The following CENPO variants were observed in gnomAD, a reference collection of about 807,000 sequenced individuals.
The protein encoded by CENPO is centromeric protein O.
CENPO carries 30 observed loss-of-function variants against 36.1 expected under a neutral mutation model. The ratio of observed to expected loss-of-function variants is 0.83; its 90% CI spans 0.62 to 1.13. The LOEUF is 1.13. Ranked by LOEUF, CENPO falls within the 50% of genes most tolerant of loss-of-function variation. CENPO has a pLI of 0.00. For missense variants in CENPO, 349 were observed against 357.8 expected, an observed-to-expected ratio of 0.98 and a Z score of 0.20; for synonymous variants, 171 against 142.3, an observed-to-expected ratio of 1.20 and a Z score of -1.44.
At chr2:24,801,948 C>A (rs1457683183) in intron 3 of CENPO, among the ~76,000 whole-genome samples, 1 of 152,170 alleles carries the variant, frequency 6.6e-6, no homozygotes, top group Non-Finnish European at 1.5e-5. Context: ...ATTGATTCTT[C>A]CTATCCATGA....
At chr2:24,813,605 G>A (rs1372678363) in intron 3 of CENPO, among the ~76,000 whole-genome samples, 2 of 152,162 alleles carry the variant, frequency 1.3e-5, no homozygotes, top group African/African-American at 4.8e-5. Flanking sequence ...AGCAAATGCC[G>A]GGAGGGAAGA....
At position 24,820,378 on chromosome 2, in the gene CENPO, T is replaced by C; in HGVS notation, c.*1060T>C. On this transcript the variant is annotated 3_prime_UTR_variant, in exon 8 of 8. Transcript: ENST00000380834. The stretch of plus-strand genomic sequence containing the variant: ...GCCATGGTCACCTGGGTGGCAGCAC[T>C]GTTACCTGGAAACTGCCACTGCCTG... 1 of 1,320,012 alleles carries C rather than the reference T, an allele frequency of 7.6e-7. No homozygotes were observed. Among genetic ancestry groups the C allele is most frequent in the South Asian group, 2.2e-5 (1 of 44,568 alleles). 81.8% of individuals were successfully genotyped at this position (1,320,012 alleles called of 1,614,324 possible).
At chr2:24,807,357 T>C (rs757543178) in intron 3 of CENPO, among the ~76,000 whole-genome samples, 3 of 152,228 alleles carry the variant, frequency 2.0e-5, no homozygotes, top group South Asian at 2.1e-4. Context: ...TTGAACTTTA[T>C]ATAAATGTTA....
In CENPO at chr2:24,793,745, TTG is replaced by T; in HGVS notation, c.-68-103_-68-102del. ...GGAAAGGGGATCCTAGCCGTGACAT[TTG>T]TGTCATCCGCGGCCCAGGGGTTGTG... On this transcript the variant is annotated intron_variant, in intron 1 of 7. Transcript: ENST00000380834. The T allele has an allele frequency of 3.0e-6, 3 of 1,006,380 alleles. No individual in the cohort carries two copies. The South Asian group carries it at 4.3e-5, about 14-fold the overall frequency. The allele number at this position is 1,006,380 out of a possible 1,614,324, so 62.3% of individuals were successfully genotyped here.
At chr2:24,809,587 C>T (rs114055407) in intron 3 of CENPO, among the ~76,000 whole-genome samples, 1,788 of 151,702 alleles carry the variant, frequency 0.012, 36 homozygotes, top group African/African-American at 0.04. Context: ...TTATACCCCA[C>T]AAGTTTTGAT....
At position 24,819,886 on chromosome 2, in the gene CENPO, A is replaced by AAT; in HGVS notation, c.*570_*571dup. 3 of 1,591,096 alleles carry AAT rather than the reference A, an allele frequency of 1.9e-6. No homozygotes were observed. The highest frequency in any genetic ancestry group is 1.7e-6 in the Non-Finnish European group (2 of 1,167,422). On this transcript the variant is annotated 3_prime_UTR_variant, in exon 8 of 8. Transcript: ENST00000380834. ...GTCGGGACTTCCTTCAGTTTCAAAAAATAAATTCTCCCTTCCGGTTTGGAC... is the reference window on the plus strand; with the variant it reads ...GTCGGGACTTCCTTCAGTTTCAAAAAATATAAATTCTCCCTTCCGGTTTGGAC...
At chr2:24,804,049 C>T (rs1470835783) in intron 3 of CENPO, among the ~76,000 whole-genome samples, 1 of 152,182 alleles carries the variant, frequency 6.6e-6, no homozygotes, top group Non-Finnish European at 1.5e-5. Context: ...ATAGTTAGCT[C>T]TTCGTGTTGA....
In CENPO at chr2:24,821,566, C is replaced by T. The variant is rs779611664; in HGVS notation, c.*2248C>T. On this transcript the variant is annotated 3_prime_UTR_variant, in exon 8 of 8. Transcript: ENST00000380834. The stretch of plus-strand genomic sequence containing the variant: ...AGGACTGGTTGTTGATGTTGGTGAG[C>T]GTATCCTTCATGGCCAGCGCGAAGT... 7.2e-5 allele frequency: 117 copies of T among 1,613,910 alleles called. 3 individuals are homozygous for T. The South Asian group carries it at 1.2e-3, about 16-fold the overall frequency.
At chr2:24,815,942 C>A in intron 5 of CENPO, 186 bp downstream of exon 5, 1 of 612,720 alleles carries the variant, frequency 1.6e-6, no homozygotes. Flanking sequence ...CTCTGGATGG[C>A]GTTGAAGCCT....
At chr2:24,803,114 G>A (rs1328010994) in intron 3 of CENPO, among the ~76,000 whole-genome samples, 5,165 of 148,346 alleles carry the variant, frequency 0.035, 253 homozygotes, top group African/African-American at 0.12. Flanking sequence ...GTTTATTTGC[G>A]TAGAGGTGTT....
At chr2:24,813,404 G>C (rs1398095450) in intron 3 of CENPO, among the ~76,000 whole-genome samples, 2 of 152,158 alleles carry the variant, frequency 1.3e-5, no homozygotes, top group African/African-American at 4.8e-5. Flanking sequence ...CTAGGGCTTA[G>C]CTTTTTTTAG....
chr2:24,796,755 C>G (rs1298453783), intron 2 of CENPO, among the ~76,000 whole-genome samples: 1 of 152,128 alleles, frequency 6.6e-6, no homozygotes, highest in Non-Finnish European at 1.5e-5. Flanking sequence ...AAAGGTTTCC[C>G]TGAGGAAATG....
chr2:24,805,230 A>AT (rs1488568407), intron 3 of CENPO, among the ~76,000 whole-genome samples: 24 of 151,794 alleles, frequency 1.6e-4, no homozygotes, highest in African/African-American at 3.4e-4. Flanking sequence ...CATTCGTGTA[A>AT]TTTTTTTCAA....
chr2:24,811,281 A>ATTTTTTTT (rs746900520), intron 3 of CENPO, among the ~76,000 whole-genome samples: 5 of 38,348 alleles, frequency 1.3e-4, no homozygotes, highest in Admixed American at 4.5e-4. Flanking sequence ...TAGTCCATGA[A>ATTTTTTTT]CTTTTTTTTT....
rs982162333 is a variant in CENPO at position 24,819,814 on chromosome 2, A to T, written c.*496A>T. The T allele has an allele frequency of 3.8e-6, 4 of 1,062,260 alleles. No homozygotes were observed. Among genetic ancestry groups the T allele is most frequent in the Non-Finnish European group, 4.1e-6 (3 of 740,524 alleles). The allele number at this position is 1,062,260 out of a possible 1,614,324, so 65.8% of individuals were successfully genotyped here. On this transcript the variant is annotated 3_prime_UTR_variant, in exon 8 of 8. Transcript: ENST00000380834. ...ATCCACGAACAAATGAAGGCTGAGG[A>T]GGTTTCTAAACCTAAAGTCCATGAG...
At chr2:24,814,297 C>T in intron 3 of CENPO, 79 bp from the exon 4 acceptor site, 1 of 778,166 alleles carries the variant, frequency 1.3e-6, no homozygotes, top group Non-Finnish European at 2.4e-6. Flanking sequence ...TTGTATTTAG[C>T]TTTCATCCAG....
At chr2:24,796,951 T>C (rs939491701) in intron 2 of CENPO, among the ~76,000 whole-genome samples, 1 of 152,162 alleles carries the variant, frequency 6.6e-6, no homozygotes, top group African/African-American at 2.4e-5. Context: ...AGCATGATAC[T>C]GATGAGGGTA....
intron 2 of CENPO, among the ~76,000 whole-genome samples, chr2:24,796,860 G>T (rs904679818): frequency 2.2e-4 from 34 of 152,126 alleles, no homozygotes; most frequent in African/African-American, 7.2e-4. Context: ...TGTTGGGGGT[G>T]GGGGGATCAG....
At chr2:24,804,333 G>T (rs189802008) in intron 3 of CENPO, among the ~76,000 whole-genome samples, 77 of 152,218 alleles carry the variant, frequency 5.1e-4, no homozygotes, top group African/African-American at 1.9e-3. Flanking sequence ...TACATTTAAG[G>T]TTAATATTGT....
Sources: gnomAD v4.1 joint callset for allele counts (sites outside exome capture counted in the v4.1 genomes callset) on GRCh38, gnomAD v4.1.1 for gene constraint, MANE v1.5 for transcripts, NCBI Gene and HGNC (gene_info 2026-07-23, HGNC 2026-07-21) for gene names.